The following JAZF1 variants were observed in gnomAD, a reference collection of about 807,000 sequenced individuals.
The protein encoded by JAZF1 is JAZF zinc finger 1, also known as juxtaposed with another zinc finger protein 1.
A neutral mutation model predicts 26.4 loss-of-function variants in JAZF1; 8 were observed. That is an observed-to-expected ratio of 0.30 (90% confidence interval 0.18 to 0.55). JAZF1 has a LOEUF of 0.55. Ranked by LOEUF, JAZF1 falls within the 20% of genes least tolerant of loss-of-function variation. The probability of loss-of-function intolerance (pLI) is 0.94; values close to 1 mark genes in which losing one functional copy is unlikely to be tolerated. For missense variants in JAZF1, 199 were observed against 322.0 expected (o/e 0.62, Z 2.92); for synonymous variants, 126 against 122.3 (o/e 1.03, Z -0.20).
chr7:27,970,775 G>C (rs1411883265), intron 2 of JAZF1, among the ~76,000 whole-genome samples: 3 of 152,192 alleles, frequency 2.0e-5, no homozygotes, highest in Admixed American at 1.3e-4. Flanking sequence ...TTTGACAACA[G>C]CATTTTAATG....
At chr7:28,123,765 G>A (rs893298062) in intron 1 of JAZF1, among the ~76,000 whole-genome samples, 1 of 152,162 alleles carries the variant, frequency 6.6e-6, no homozygotes, top group Non-Finnish European at 1.5e-5. Context: ...TTAAAATCCT[G>A]GGATTGATGA....
chr7:27,936,106 T>C (rs1281043734), intron 2 of JAZF1, among the ~76,000 whole-genome samples: 6 of 152,220 alleles, frequency 3.9e-5, no homozygotes, highest in Admixed American at 3.3e-4. Context: ...GCAACAACCA[T>C]CATTCTTCAT....
At chr7:28,159,344 A>G (rs1170383578) in intron 1 of JAZF1, among the ~76,000 whole-genome samples, 1 of 151,572 alleles carries the variant, frequency 6.6e-6, no homozygotes, top group East Asian at 1.9e-4. Flanking sequence ...TAATATAACA[A>G]ATTTTTTAAA....
chr7:27,982,614 G>A lies in JAZF1; in HGVS notation c.188+9295C>T, dbSNP rs531794669. Among the ~76,000 whole-genome samples the A allele has an allele frequency of 2.9e-3, 434 of 152,268 alleles. 3 individuals carry two copies. The highest frequency in any genetic ancestry group is 9.7e-3 in the African/African-American group (405 of 41,552). On this transcript the variant is annotated intron_variant, in intron 2 of 4. Transcript: ENST00000283928. ...TTTGAAGAGAGTAGTGGTTCTCCCGGCACGGAGTTTGAAATCTGAGAATGG... is the reference window on the plus strand; with the variant it reads ...TTTGAAGAGAGTAGTGGTTCTCCCGACACGGAGTTTGAAATCTGAGAATGG...
intron 2 of JAZF1, among the ~76,000 whole-genome samples, chr7:27,943,233 C>G (rs576587683): frequency 6.6e-6 from 1 of 152,138 alleles, no homozygotes; most frequent in Admixed American, 6.5e-5. Context: ...CCCCTACATC[C>G]GGACTGCCTG....
intron 1 of JAZF1, among the ~76,000 whole-genome samples, chr7:28,092,062 C>T (rs78154964): frequency 0.1 from 15,140 of 151,768 alleles, 1,885 homozygotes; most frequent in African/African-American, 0.28. Flanking sequence ...AATATTTTCT[C>T]TTTCCTCTCA....
chr7:27,922,775 TA>T (rs1291265214), intron 2 of JAZF1, among the ~76,000 whole-genome samples: 1 of 152,146 alleles, frequency 6.6e-6, no homozygotes, highest in African/African-American at 2.4e-5. Flanking sequence ...AGGTAACTCA[TA>T]AACCTCCTGG....
At chr7:28,119,126 GC>G (rs1276447965) in intron 1 of JAZF1, among the ~76,000 whole-genome samples, 1 of 152,070 alleles carries the variant, frequency 6.6e-6, no homozygotes, top group Non-Finnish European at 1.5e-5. Flanking sequence ...TCCCCAGGCA[GC>G]CCCCGGTCTC....
chr7:28,100,412 C>G (rs1562587238), intron 1 of JAZF1, among the ~76,000 whole-genome samples: 1 of 151,506 alleles, frequency 6.6e-6, no homozygotes, highest in African/African-American at 2.4e-5. Context: ...TCAGGTAGAG[C>G]ATATATATAT....
chr7:27,901,592 G>A (rs1784160847), intron 2 of JAZF1, among the ~76,000 whole-genome samples: 1 of 152,178 alleles, frequency 6.6e-6, no homozygotes, highest in Non-Finnish European at 1.5e-5. Context: ...AGAAACTGAA[G>A]TGACCACTTG....
chr7:28,013,646 T>C (rs1471284388), intron 1 of JAZF1, among the ~76,000 whole-genome samples: 1 of 152,150 alleles, frequency 6.6e-6, no homozygotes, highest in African/African-American at 2.4e-5. Flanking sequence ...TTAGATTAGA[T>C]GACACATAGT....
chr7:28,037,801 C>T (rs1434681729), intron 1 of JAZF1, among the ~76,000 whole-genome samples: 2 of 152,086 alleles, frequency 1.3e-5, no homozygotes, highest in Non-Finnish European at 2.9e-5. Flanking sequence ...TCCAGACACC[C>T]AGGACACCCC....
intron 2 of JAZF1, among the ~76,000 whole-genome samples, chr7:27,896,811 C>T (rs1165789265): frequency 6.6e-6 from 1 of 152,108 alleles, no homozygotes; most frequent in African/African-American, 2.4e-5. Flanking sequence ...CAATATAATC[C>T]AGATATATAA....
chr7:27,920,971 A>C (rs1284857730), intron 2 of JAZF1, among the ~76,000 whole-genome samples: 1 of 152,224 alleles, frequency 6.6e-6, no homozygotes, highest in Non-Finnish European at 1.5e-5. Context: ...AATGCACAAA[A>C]ATATATTTTA....
chr7:28,143,332 G>A (rs921060054), intron 1 of JAZF1, among the ~76,000 whole-genome samples: 1 of 152,134 alleles, frequency 6.6e-6, no homozygotes, highest in Non-Finnish European at 1.5e-5. Context: ...TTAAAAGGCT[G>A]GAATAGAAAT....
At chr7:27,868,147 G>A (rs1025810891) in intron 3 of JAZF1, among the ~76,000 whole-genome samples, 1 of 152,204 alleles carries the variant, frequency 6.6e-6, no homozygotes, top group Non-Finnish European at 1.5e-5. Flanking sequence ...CATACTGTCA[G>A]CACTAGTCGT....
chr7:27,971,213 G>T (rs902405451), intron 2 of JAZF1, among the ~76,000 whole-genome samples: 4 of 152,216 alleles, frequency 2.6e-5, no homozygotes, highest in African/African-American at 9.7e-5. Flanking sequence ...TGTCGTTTGT[G>T]ATGATATGGT....
At chr7:28,021,708 A>AT (rs1282739005) in intron 1 of JAZF1, among the ~76,000 whole-genome samples, 2 of 152,170 alleles carry the variant, frequency 1.3e-5, no homozygotes, top group Non-Finnish European at 2.9e-5. Flanking sequence ...TGCTCTCCCA[A>AT]TGTGTCACCT....
intron 2 of JAZF1, among the ~76,000 whole-genome samples, chr7:27,977,351 A>T (rs1203658193): frequency 6.6e-6 from 1 of 152,140 alleles, no homozygotes; most frequent in African/African-American, 2.4e-5. Context: ...AGACCCTTTA[A>T]CTTGTCAGAA....
Sources: gnomAD v4.1 joint callset for allele counts (sites outside exome capture counted in the v4.1 genomes callset) on GRCh38, gnomAD v4.1.1 for gene constraint, MANE v1.5 for transcripts, NCBI Gene and HGNC (gene_info 2026-07-23, HGNC 2026-07-21) for gene names.